The following NRXN3 variants were observed in gnomAD, a reference collection of about 807,000 sequenced individuals.
NRXN3 encodes neurexin III.
In NRXN3, 32 loss-of-function variants were observed where a neutral mutation model predicts 137.6. The observed-to-expected ratio is 0.23, with a 90% CI of 0.18 to 0.31. The LOEUF is 0.31. NRXN3 is among the 10% of genes least tolerant of loss of function. The pLI, the probability that NRXN3 is intolerant of heterozygous loss-of-function variation, is 1.00. For synonymous variants in NRXN3, 798 were observed against 784.5 expected (o/e 1.02, Z -0.29); for missense variants, 1,574 against 2,062.5 (o/e 0.76, Z 4.59).
intron 16 of NRXN3, among the ~76,000 whole-genome samples, chr14:79,614,723 A>G (rs2098137475): frequency 1.7e-5 from 2 of 119,786 alleles, no homozygotes; most frequent in Admixed American, 1.4e-4. Flanking sequence ...AAATACTCAC[A>G]GCAAGTAGAC....
rs116506141 is a variant in NRXN3, at chr14:79,522,756, G to A, written c.3444+55354G>A. 3.9e-3 allele frequency among the ~76,000 whole-genome samples: 594 copies of A among 152,124 alleles called. 7 individuals are homozygous for A. Among genetic ancestry groups the A allele is most frequent in the African/African-American group, 0.013 (553 of 41,500 alleles). Reference sequence around the variant, plus strand: ...CTCGCAGTTTCAAGCTACTTTTTGGGGACCTTCCATACTTCATTCAGGTGG... The same window carrying A: ...CTCGCAGTTTCAAGCTACTTTTTGGAGACCTTCCATACTTCATTCAGGTGG... On this transcript the variant is annotated intron_variant, in intron 16 of 20. Coordinates refer to ENST00000335750, the MANE Select transcript of NRXN3 (RefSeq NM_001330195.2).
rs77503491 is a variant in NRXN3, at chr14:79,196,274, G to C, written c.3262+208133G>C. Among the ~76,000 whole-genome samples, 471 of 152,260 alleles carry C rather than the reference G, an allele frequency of 3.1e-3. 2 individuals carry two copies. Among genetic ancestry groups the C allele is most frequent in the African/African-American group, 0.011 (444 of 41,564 alleles). ...TGCCATAACAGAATGCCCCAGACTG[G>C]GTAACTCAAAATGAACAGAAATTTA... is the stretch of plus-strand genomic sequence containing the variant. On this transcript the variant is annotated intron_variant, in intron 15 of 20. Coordinates refer to ENST00000335750, the MANE Select transcript of NRXN3 (RefSeq NM_001330195.2).
chr14:79,043,379 G>A (rs2099628149), intron 15 of NRXN3, among the ~76,000 whole-genome samples: 1 of 152,176 alleles, frequency 6.6e-6, no homozygotes, highest in Non-Finnish European at 1.5e-5. Context: ...AAGGATGTGG[G>A]TGGAGGCGGA....
Position 79,308,156 on chromosome 14 carries a change from T to G in NRXN3, c.3263-159065T>G, listed in dbSNP as rs1339487528. ...GCCCTGTCTTCTAATACAGTCACAT[T>G]CTGAGGGGTGTTAGGACTTAGGGGG... On this transcript the variant is annotated intron_variant, in intron 15 of 20. Transcript: ENST00000335750. Among the ~76,000 whole-genome samples, 12 of 152,284 alleles carry G rather than the reference T, an allele frequency of 7.9e-5. No individual in the cohort carries two copies. In the South Asian group the frequency reaches 2.5e-3, roughly 32 times the overall value.
intron 15 of NRXN3, among the ~76,000 whole-genome samples, chr14:79,292,830 A>C (rs567394326): frequency 1.3e-5 from 2 of 152,334 alleles, no homozygotes; most frequent in South Asian, 4.1e-4. Flanking sequence ...TTCCTAGCTT[A>C]GAATGTAAAG....
intron 16 of NRXN3, among the ~76,000 whole-genome samples, chr14:79,481,079 G>GCT (rs2096603726): frequency 6.6e-6 from 1 of 152,124 alleles, no homozygotes; most frequent in African/African-American, 2.4e-5. Flanking sequence ...AGTTCTAAGT[G>GCT]CTTGGGATCC....
chr14:78,345,758 CTT>C (rs1365245917), intron 4 of NRXN3, among the ~76,000 whole-genome samples: 1 of 152,180 alleles, frequency 6.6e-6, no homozygotes, highest in South Asian at 2.1e-4. Flanking sequence ...GATTTCCTCT[CTT>C]CTTCCTGGTT....
chr14:79,123,747 A>G lies in NRXN3; in HGVS notation c.3262+135606A>G, dbSNP rs1822416247. ...TGGAGGCTGGGATATAAGTCAGGGA[A>G]AGCATTTCAGTGGAGATTACGCTTA... On this transcript the variant is annotated intron_variant, in intron 15 of 20. Transcript: ENST00000335750. 2.0e-5 allele frequency among the ~76,000 whole-genome samples: 3 copies of G among 152,258 alleles called. No individual in the cohort carries two copies. In the South Asian group the frequency reaches 6.2e-4, roughly 32 times the overall value.
chr14:78,195,651 T>G (rs1322809921), intron 1 of NRXN3, among the ~76,000 whole-genome samples: 1 of 152,200 alleles, frequency 6.6e-6, no homozygotes. Flanking sequence ...GGAGAGCAAC[T>G]GCGGGCGTCT....
chr14:78,611,455 T>G (rs2097300304), intron 4 of NRXN3, among the ~76,000 whole-genome samples: 1 of 152,024 alleles, frequency 6.6e-6, no homozygotes, highest in Middle Eastern at 3.4e-3. Flanking sequence ...TCTGAATCAC[T>G]TATGGATATA....
intron 19 of NRXN3, among the ~76,000 whole-genome samples, chr14:79,702,185 A>G (rs1475871710): frequency 6.6e-6 from 1 of 152,034 alleles, no homozygotes; most frequent in Admixed American, 6.6e-5. Flanking sequence ...ACACCTCACT[A>G]CCCATCTTTA....
rs1031682416 is a variant in NRXN3 at position 79,862,347 on chromosome 14, A to G, written c.*383A>G. ...GAAGACTTCATGGCTTACTTGTTCC[A>G]TAACTCCAAGTGAGTCTGTAATGTT... On this transcript the variant is annotated 3_prime_UTR_variant, in exon 21 of 21. Transcript: ENST00000335750. 8 of 168,172 alleles carry G rather than the reference A, an allele frequency of 4.8e-5. No individual in the cohort carries two copies. The East Asian group carries it at 1.0e-3, about 21-fold the overall frequency. The allele number at this position is 168,172 out of a possible 1,614,324, so 10.4% of individuals were successfully genotyped here. A position where few individuals can be genotyped will look rare whatever the true frequency, so the allele number is the denominator to read the frequency against.
intron 16 of NRXN3, among the ~76,000 whole-genome samples, chr14:79,659,225 C>A (rs2098521075): frequency 6.6e-6 from 1 of 151,088 alleles, no homozygotes; most frequent in Non-Finnish European, 1.5e-5. Context: ...CTTGAGGATT[C>A]TTTGGTAATG....
At chr14:78,240,797 T>C (rs1373398146) in intron 1 of NRXN3, among the ~76,000 whole-genome samples, 3 of 152,170 alleles carry the variant, frequency 2.0e-5, no homozygotes, top group Non-Finnish European at 4.4e-5. Context: ...TGTTTGTTCA[T>C]TGGGAATAGG....
At chr14:78,792,341 G>A (rs1285142586) in intron 8 of NRXN3, among the ~76,000 whole-genome samples, 1 of 149,484 alleles carries the variant, frequency 6.7e-6, no homozygotes, top group Admixed American at 6.6e-5. Context: ...AACAACAGGG[G>A]GTGGAAAAGA....
intron 17 of NRXN3, among the ~76,000 whole-genome samples, chr14:79,684,002 G>T (rs561568920): frequency 6.6e-6 from 1 of 152,216 alleles, no homozygotes; most frequent in East Asian, 1.9e-4. Flanking sequence ...TTACACAGAG[G>T]AGTTTCAAAG....
At chr14:79,653,299 G>A (rs2098485920) in intron 16 of NRXN3, among the ~76,000 whole-genome samples, 1 of 152,032 alleles carries the variant, frequency 6.6e-6, no homozygotes, top group Non-Finnish European at 1.5e-5. Flanking sequence ...TATTCATTGG[G>A]CTGCAATGCT....
At chr14:78,512,793 G>A (rs944051240) in intron 4 of NRXN3, among the ~76,000 whole-genome samples, 7 of 152,118 alleles carry the variant, frequency 4.6e-5, no homozygotes, top group African/African-American at 1.7e-4. Context: ...GAACCTGCAG[G>A]CGAAAACCAC....
At chr14:79,098,703 C>T (rs1165604406) in intron 15 of NRXN3, among the ~76,000 whole-genome samples, 1 of 152,152 alleles carries the variant, frequency 6.6e-6, no homozygotes, top group African/African-American at 2.4e-5. Flanking sequence ...CTGGATGCCA[C>T]AATGGTGCCT....
Sources: allele counts gnomAD v4.1 joint callset (sites outside exome capture counted in the v4.1 genomes callset), GRCh38; gene constraint gnomAD v4.1.1; transcripts MANE v1.5; gene names NCBI Gene and HGNC (gene_info 2026-07-23, HGNC 2026-07-21).